The following ZNF766 variants were observed in gnomAD, a reference collection of about 807,000 sequenced individuals.
ZNF766 encodes zinc finger protein 766.
A neutral mutation model predicts 13.2 loss-of-function variants in ZNF766; 13 were observed. The observed-to-expected ratio is 0.98, with a 90% CI of 0.64 to 1.56. The LOEUF (loss-of-function observed/expected upper bound fraction) is 1.56, where lower values mean the gene tolerates loss of function less well. Among genes scored for constraint, ZNF766 ranks in the 40% most tolerant of loss-of-function variants. The probability of loss-of-function intolerance (pLI) is 0.00; values close to 1 mark genes in which losing one functional copy is unlikely to be tolerated. For missense variants in ZNF766, 521 were observed against 552.2 expected, an observed-to-expected ratio of 0.94 and a Z score of 0.57; for synonymous variants, 178 against 187.6, an observed-to-expected ratio of 0.95 and a Z score of 0.42.
chr19:52,275,278 A>T (rs904946104), intron 1 of ZNF766, among the ~76,000 whole-genome samples: 3 of 151,804 alleles, frequency 2.0e-5, no homozygotes, highest in Non-Finnish European at 2.9e-5. Context: ...TAAAAAGGTT[A>T]AAAAAAAATT....
chr19:52,288,004 T>C (rs1173070201), intron 3 of ZNF766: 10 of 429,944 alleles, frequency 2.3e-5, no homozygotes, highest in Non-Finnish European at 4.5e-5. Flanking sequence ...TTCTGCTATC[T>C]TAGTGTTCAT....
Position 52,292,351 on chromosome 19 carries a change from C to A in ZNF766, c.*1153C>A, listed in dbSNP as rs530013877. ...TCATGCTTATTGCAGTTAGCACACA[C>A]TTTTCCTGACAGGCACAGTGCTGCT... On this transcript the variant is annotated 3_prime_UTR_variant, in exon 4 of 4. Coordinates refer to ENST00000439461, the MANE Select transcript of ZNF766 (RefSeq NM_001010851.3). 5.6e-5 allele frequency: 34 copies of A among 603,446 alleles called. 1 individual carries two copies. In the South Asian group the frequency reaches 6.6e-4, roughly 12 times the overall value. 37.4% of individuals were successfully genotyped at this position (603,446 alleles called of 1,614,324 possible).
intron 3 of ZNF766, among the ~76,000 whole-genome samples, chr19:52,286,395 C>T (rs1268312244): frequency 6.6e-6 from 1 of 151,226 alleles, no homozygotes; most frequent in East Asian, 1.9e-4. Context: ...GCAGCCTCCA[C>T]CTCCCAGGCT....
intron 3 of ZNF766, among the ~76,000 whole-genome samples, chr19:52,287,178 G>T (rs10409440): frequency 0.41 from 61,637 of 149,162 alleles, 13,115 homozygotes; most frequent in African/African-American, 0.53. Flanking sequence ...AGTCTCGCCC[G>T]GTCGCCCAGG....
chr19:52,280,826 T>C lies in ZNF766; in HGVS notation c.19-1285T>C, dbSNP rs549723768. On this transcript the variant is annotated intron_variant, in intron 1 of 3. Coordinates refer to ENST00000439461, the MANE Select transcript of ZNF766 (RefSeq NM_001010851.3). The stretch of plus-strand genomic sequence containing the variant: ...TGGTCTCCTGACCCCATGATCCACC[T>C]GCCTCGGCCTCCCAAAGTGCTGGGA... Among the ~76,000 whole-genome samples, 264 of 150,428 alleles carry C rather than the reference T, an allele frequency of 1.8e-3. 2 individuals carry two copies. Among genetic ancestry groups the C allele is most frequent in the Non-Finnish European group, 2.3e-3 (155 of 67,570 alleles).
chr19:52,283,610 C>T (rs1981655222), intron 3 of ZNF766, among the ~76,000 whole-genome samples, 197 bp downstream of exon 3: 1 of 152,140 alleles, frequency 6.6e-6, no homozygotes. Flanking sequence ...CAGAGCCACA[C>T]TATTAAATCG....
chr19:52,290,805 GC>G lies in ZNF766; in HGVS notation c.1015del (p.His339IlefsTer9). Reference protein sequence around the residue: ...CNKCGKEFSGHSSLTTHLLIH... With the variant: ...CNKCGKEFSGXSSLTTHLLIH... ...ATAAATGTGGCAAAGAATTTAGTGG[GC>G]ATTCAAGCCTCACCACCCATCTGTT... On this transcript the variant is annotated frameshift_variant, in exon 4 of 4. Transcript: ENST00000439461. LOFTEE classifies it low-confidence loss of function (END_TRUNC). 1.2e-6 allele frequency: 2 copies of G among 1,613,734 alleles called. No homozygotes were observed. Among genetic ancestry groups the G allele is most frequent in the Non-Finnish European group, 1.7e-6 (2 of 1,179,806 alleles).
chr19:52,271,688 G>T (rs1232894971), intron 1 of ZNF766, among the ~76,000 whole-genome samples: 1 of 152,202 alleles, frequency 6.6e-6, no homozygotes, highest in African/African-American at 2.4e-5. Flanking sequence ...GGCTGGGTGC[G>T]ATGGCTCACG....
At chr19:52,283,596 C>G (rs1259414787) in intron 3 of ZNF766, among the ~76,000 whole-genome samples, 183 bp downstream of exon 3, 1 of 152,130 alleles carries the variant, frequency 6.6e-6, no homozygotes, top group Admixed American at 6.6e-5. Context: ...TGCCCCTTGC[C>G]TACCAGAGCC....
intron 1 of ZNF766, among the ~76,000 whole-genome samples, chr19:52,280,887 A>G (rs62110405): frequency 6.8e-6 from 1 of 147,322 alleles, no homozygotes; most frequent in Non-Finnish European, 1.5e-5. Flanking sequence ...GCCGTGCGTG[A>G]TGGCTCACGC....
At chr19:52,287,290 G>A (rs1362033621) in intron 3 of ZNF766, among the ~76,000 whole-genome samples, 6 of 152,052 alleles carry the variant, frequency 3.9e-5, no homozygotes, top group Admixed American at 1.3e-4. Context: ...TTACAGGCGC[G>A]TGCCACTACG....
At chr19:52,288,039 G>A (rs1208732741) in intron 3 of ZNF766, 2 of 360,242 alleles carry the variant, frequency 5.6e-6, no homozygotes, top group Non-Finnish European at 1.1e-5. Flanking sequence ...TTTTTTTTTT[G>A]AGATGGAGTC....
At position 52,290,282 on chromosome 19, in the gene ZNF766, A is replaced by G. The variant is rs781084964; in HGVS notation, c.491A>G (p.His164Arg). The G allele has an allele frequency of 4.3e-6, 7 of 1,613,824 alleles. No individual in the cohort carries two copies. In the South Asian group the frequency reaches 4.4e-5, roughly 10 times the overall value. The change falls in exon 4 of 4, where the codon CAT becomes CGT. Residue 164 changes from histidine (H) to arginine (R), a missense_variant. Physicochemically the swap from His to Arg is conservative, Grantham distance 29. Coordinates refer to ENST00000439461, the MANE Select transcript of ZNF766 (RefSeq NM_001010851.3). ...SGVKTHIFNK[H>R]RNDFVDFPLL... ...GTCAAAACCCACATATTTAATAAAC[A>G]TAGGAATGATTTTGTTGATTTTCCA... is the stretch of plus-strand genomic sequence containing the variant.
chr19:52,273,395 A>G (rs1374573451), intron 1 of ZNF766, among the ~76,000 whole-genome samples: 1 of 152,188 alleles, frequency 6.6e-6, no homozygotes, highest in Non-Finnish European at 1.5e-5. Flanking sequence ...CTTTGGAGGT[A>G]TGGGAGAGAA....
At chr19:52,269,849 G>C (rs972114643) in intron 1 of ZNF766, among the ~76,000 whole-genome samples, 1 of 152,188 alleles carries the variant, frequency 6.6e-6, no homozygotes, top group African/African-American at 2.4e-5. Context: ...CTTTCGCGCC[G>C]TTTTCCTGCT....
rs1029146961 is a variant in ZNF766 at position 52,295,048 on chromosome 19, G to A, written c.*3850G>A. On this transcript the variant is annotated 3_prime_UTR_variant, in exon 4 of 4. Coordinates refer to ENST00000439461, the MANE Select transcript of ZNF766 (RefSeq NM_001010851.3). ...TGTCATTTTCCCGTTACAGCATCAA[G>A]CAATATATTCCATGGTTCATTTTCA... is the stretch of plus-strand genomic sequence containing the variant. The A allele has an allele frequency of 2.6e-5, 4 of 151,410 alleles. No homozygotes were observed. Among genetic ancestry groups the A allele is most frequent in the African/African-American group, 4.9e-5 (2 of 41,224 alleles). 9.4% of individuals were successfully genotyped at this position (151,410 alleles called of 1,614,324 possible). A position where few individuals can be genotyped will look rare whatever the true frequency, so the allele number is the denominator to read the frequency against.
chr19:52,290,111 C>A lies in ZNF766; in HGVS notation c.320C>A (p.Thr107Lys). The change falls in exon 4 of 4, where the codon ACA becomes AAA. Residue 107 changes from threonine (T) to lysine (K), a missense_variant. By Grantham distance (78) the Thr-to-Lys change is moderately conservative (BLOSUM62 -1). Coordinates refer to ENST00000439461, the MANE Select transcript of ZNF766 (RefSeq NM_001010851.3). ...VRSKAGNKPI[T>K]NQLGLTFQLP... ...AGCAAAGCAGGAAACAAGCCTATTA[C>A]AAATCAACTTGGATTAACCTTTCAG... 6.2e-7 allele frequency: 1 copy of A among 1,613,852 alleles called. No individual in the cohort carries two copies. Among genetic ancestry groups the A allele is most frequent in the Non-Finnish European group, 8.5e-7 (1 of 1,179,864 alleles).
At chr19:52,279,410 G>A (rs1218652104) in intron 1 of ZNF766, among the ~76,000 whole-genome samples, 1 of 152,124 alleles carries the variant, frequency 6.6e-6, no homozygotes, top group Non-Finnish European at 1.5e-5. Flanking sequence ...GTTCTGCAAA[G>A]AACGTCATTA....
chr19:52,295,093 T>C lies in ZNF766; in HGVS notation c.*3895T>C, dbSNP rs1982291635. 1 of 151,868 alleles carries C rather than the reference T, an allele frequency of 6.6e-6. No individual in the cohort carries two copies. The highest frequency in any genetic ancestry group is 1.5e-5 in the Non-Finnish European group (1 of 67,984). The allele number at this position is 151,868 out of a possible 1,614,324, so 9.4% of individuals were successfully genotyped here. On this transcript the variant is annotated 3_prime_UTR_variant, in exon 4 of 4. Coordinates refer to ENST00000439461, the MANE Select transcript of ZNF766 (RefSeq NM_001010851.3). ...TTTTCAACTCTAATAAAATTATATT[T>C]TGTGTTTATATATGCACGTATAGAC...
Sources: allele counts gnomAD v4.1 joint callset (sites outside exome capture counted in the v4.1 genomes callset), GRCh38; gene constraint gnomAD v4.1.1; transcripts MANE v1.5; gene names NCBI Gene and HGNC (gene_info 2026-07-23, HGNC 2026-07-21).